ALOX15: variants seen among roughly 807,000 people sequenced by gnomAD.
ALOX15 encodes the protein polyunsaturated fatty acid lipoxygenase ALOX15.
A neutral mutation model predicts 71.7 loss-of-function variants in ALOX15; 68 were observed. The observed-to-expected ratio is 0.95, with a 90% CI of 0.78 to 1.16. ALOX15 has a LOEUF of 1.16. Ranked by LOEUF, ALOX15 falls within the 50% of genes most tolerant of loss-of-function variation. The pLI is 0.00. For synonymous variants in ALOX15, 346 were observed against 333.3 expected, an observed-to-expected ratio of 1.04 and a Z score of -0.42; for missense variants, 798 against 818.8, an observed-to-expected ratio of 0.97 and a Z score of 0.31.
At chr17:4,639,684 C>A (rs1419604569) in intron 1 of ALOX15, 53 bp from the exon 2 acceptor site, 1 of 1,533,776 alleles carries the variant, frequency 6.5e-7, no homozygotes, top group Non-Finnish European at 8.8e-7. Context: ...GGAGGGGCAC[C>A]CGGCTGAGCC....
At chr17:4,639,197 GA>G in intron 2 of ALOX15, 65 bp from the exon 3 acceptor site, 1 of 1,583,286 alleles carries the variant, frequency 6.3e-7, no homozygotes, top group Non-Finnish European at 8.7e-7. Flanking sequence ...TCTCTGCCAG[GA>G]GAGCCTCAGC....
At chr17:4,634,471 T>C (rs1911022052) in intron 8 of ALOX15, among the ~76,000 whole-genome samples, 1 of 150,852 alleles carries the variant, frequency 6.6e-6, no homozygotes, top group Non-Finnish European at 1.5e-5. Context: ...CCTGGCCTCC[T>C]TTTCTTTTCA....
At chr17:4,634,428 G>T (rs1030836226) in intron 8 of ALOX15, among the ~76,000 whole-genome samples, 1 of 151,484 alleles carries the variant, frequency 6.6e-6, no homozygotes, top group Non-Finnish European at 1.5e-5. Flanking sequence ...TCAGCCTCCC[G>T]AGTAGCTGGG....
chr17:4,633,610 A>T, intron 8 of ALOX15, 110 bp from the exon 9 acceptor site: 1 of 901,920 alleles, frequency 1.1e-6, no homozygotes, highest in Non-Finnish European at 1.8e-6. Context: ...AAAAGCACAG[A>T]CGTAAAGTTC....
chr17:4,635,040 C>A (rs1451890854), intron 8 of ALOX15, among the ~76,000 whole-genome samples: 1 of 152,016 alleles, frequency 6.6e-6, no homozygotes, highest in African/African-American at 2.4e-5. Flanking sequence ...TGTGCCCCCA[C>A]TGAGAATGGA....
rs751739204 is a variant in ALOX15 at position 4,637,275 on chromosome 17, G to A, written c.808-17C>T. Reference sequence around the variant, plus strand: ...TGTGCCTCCCTGGGTGGGGGAAGAGGTCAAGGGCTGCTATCAACATAAAGC... The same window carrying A: ...TGTGCCTCCCTGGGTGGGGGAAGAGATCAAGGGCTGCTATCAACATAAAGC... On this transcript the variant is annotated splice_polypyrimidine_tract_variant and intron_variant, in intron 6 of 13. Transcript: ENST00000293761. The A allele has an allele frequency of 1.9e-6, 3 of 1,599,212 alleles. No homozygotes were observed. The highest frequency in any genetic ancestry group is 1.7e-5 in the Admixed American group (1 of 58,716).
rs375797237 is a variant in ALOX15 at position 4,631,041 on chromosome 17, A to C, written c.*559T>G. The C allele has an allele frequency of 6.6e-6, 1 of 152,300 alleles. No individual in the cohort carries two copies. The highest frequency in any genetic ancestry group is 1.9e-4 in the East Asian group (1 of 5,192). 9.4% of individuals were successfully genotyped at this position (152,300 alleles called of 1,614,324 possible). A position where few individuals can be genotyped will look rare whatever the true frequency, so the allele number is the denominator to read the frequency against. On this transcript the variant is annotated 3_prime_UTR_variant, in exon 14 of 14. Coordinates refer to ENST00000293761, the MANE Select transcript of ALOX15 (RefSeq NM_001140.5). The stretch of plus-strand genomic sequence containing the variant: ...TCAAAATCCTATTTCCAGCCTAGGC[A>C]ACATAGTGAGGCCCCGTCTCCACGA...
intron 8 of ALOX15, 77 bp from the exon 9 acceptor site, chr17:4,633,577 A>C: frequency 7.9e-7 from 1 of 1,258,978 alleles, no homozygotes. Context: ...GGCTGACAGC[A>C]GGAAAGGCAC....
chr17:4,639,226 GGCCTCTGCCCCTTCAGCATCAC>G (rs2150538158), intron 2 of ALOX15, 94 bp from the exon 3 acceptor site: 1 of 1,502,802 alleles, frequency 6.7e-7, no homozygotes, highest in East Asian at 2.3e-5. Context: ...CCTTCTGTGT[GGCCTCTGCCCCTTCAGCATCAC>G]GCCCCTCCCC....
rs753102659 is a variant in ALOX15 at position 4,641,632 on chromosome 17, C to T, written c.20G>A (p.Arg7His). Residue 7 changes from arginine (R) to histidine (H), a missense_variant, in exon 1 of 14, where the codon CGC becomes CAC. Physicochemically the swap from Arg to His is conservative, Grantham distance 29 (BLOSUM62 0). Coordinates refer to ENST00000293761, the MANE Select transcript of ALOX15 (RefSeq NM_001140.5). The stretch of plus-strand genomic sequence containing the variant: ...ATAGAGCGAGGCCCCAGTGGACACG[C>T]GGATGCGGTAGAGACCCATCTTGCT... Reference protein sequence around the residue: MGLYRIRVSTGASLYAG... With the variant: MGLYRIHVSTGASLYAG... 4 of 1,613,610 alleles carry T rather than the reference C, an allele frequency of 2.5e-6. No individual in the cohort carries two copies. Among genetic ancestry groups the T allele is most frequent in the Non-Finnish European group, 2.5e-6 (3 of 1,180,020 alleles).
At chr17:4,641,481 G>A in intron 1 of ALOX15, 36 bp downstream of exon 1, 1 of 1,600,604 alleles carries the variant, frequency 6.2e-7, no homozygotes, top group Non-Finnish European at 8.5e-7. Context: ...CGGAGCCAGG[G>A]GCGCAGCCCA....
In ALOX15 at chr17:4,635,945, G is replaced by A; in HGVS notation, c.975C>T (p.Ser325=). 1 of 1,613,976 alleles carries A rather than the reference G, an allele frequency of 6.2e-7. No individual in the cohort carries two copies. Among genetic ancestry groups the A allele is most frequent in the Non-Finnish European group, 8.5e-7 (1 of 1,180,040 alleles). Residue 325 remains serine (S), a synonymous_variant, in exon 8 of 14, where the codon TCC becomes TCT. Transcript: ENST00000293761. ...TAGGCAAGAAAAGGGGAGGTGGTGG[G>A]GATCCTGTGCGGGGCAGCTGGAGCT... The part of the protein sequence containing the change: ...VIQLQLPRTG[S]PPPPLFLPTD...
At position 4,639,501 on chromosome 17, in the gene ALOX15, C is replaced by T. The variant is rs534604683; in HGVS notation, c.266G>A (p.Gly89Glu). ...NWISVQGPGA[G>E]DEVRFPCYRW... The stretch of plus-strand genomic sequence containing the variant: ...GTAACAAGGGAACCTGACCTCGTCC[C>T]CGGCTCCGGGGCCCTGCACAGAGAT... The change falls in exon 2 of 14, where the codon GGG becomes GAG. Residue 89 changes from glycine (G) to glutamate (E), a missense_variant. This residue lies in a region of ALOX15 where 300 missense variants were observed against 283.1 expected (regional missense o/e 1.06). Transcript: ENST00000293761. 1 of 1,613,872 alleles carries T rather than the reference C, an allele frequency of 6.2e-7. No homozygotes were observed. Among genetic ancestry groups the T allele is most frequent in the African/African-American group, 1.3e-5 (1 of 74,940 alleles).
intron 8 of ALOX15, 143 bp downstream of exon 8, chr17:4,635,616 G>T: frequency 1.2e-6 from 1 of 801,916 alleles, no homozygotes; most frequent in Non-Finnish European, 2.0e-6. Context: ...GGCCAGCCCT[G>T]CTCATTCTCT....
In ALOX15 at chr17:4,631,458, G is replaced by A. The variant is rs544767313; in HGVS notation, c.*142C>T. ...CTAGAGTAAAATGTGTTCACTGGGTGCAGAGACCATGAAAAGGTGCCCCTC... is the reference window on the plus strand; with the variant it reads ...CTAGAGTAAAATGTGTTCACTGGGTACAGAGACCATGAAAAGGTGCCCCTC... On this transcript the variant is annotated 3_prime_UTR_variant, in exon 14 of 14. Coordinates refer to ENST00000293761, the MANE Select transcript of ALOX15 (RefSeq NM_001140.5). 2.1e-6 allele frequency: 2 copies of A among 970,494 alleles called. No individual in the cohort carries two copies. Among genetic ancestry groups the A allele is most frequent in the East Asian group, 5.2e-5 (2 of 38,200 alleles). The allele number at this position is 970,494 out of a possible 1,614,324, so 60.1% of individuals were successfully genotyped here.
rs913239451 is a variant in ALOX15, at chr17:4,630,960, T to C, written c.*640A>G. The C allele has an allele frequency of 1.3e-5, 2 of 152,294 alleles. No individual in the cohort carries two copies. Among genetic ancestry groups the C allele is most frequent in the African/African-American group, 4.8e-5 (2 of 41,472 alleles). 9.4% of individuals were successfully genotyped at this position (152,294 alleles called of 1,614,324 possible). Reference sequence around the variant, plus strand: ...TTATTTAAAATAGTTCAGTCCTAGTTCTTTTCCATCTTTAGCGTAAAACAA... The same window carrying C: ...TTATTTAAAATAGTTCAGTCCTAGTCCTTTTCCATCTTTAGCGTAAAACAA... On this transcript the variant is annotated 3_prime_UTR_variant, in exon 14 of 14. Transcript: ENST00000293761.
At position 4,637,236 on chromosome 17, in the gene ALOX15, T is replaced by A. The variant is rs1273689553; in HGVS notation, c.830A>T (p.Asp277Val). 6.2e-7 allele frequency: 1 copy of A among 1,613,524 alleles called. No homozygotes were observed. The highest frequency in any genetic ancestry group is 1.7e-5 in the Admixed American group (1 of 59,964). Residue 277 changes from aspartate to valine, a missense_variant, in exon 7 of 14, where the codon GAC becomes GTC. Asp to Val is a radical substitution (Grantham distance 152). Coordinates refer to ENST00000293761, the MANE Select transcript of ALOX15 (RefSeq NM_001140.5). Reference protein sequence around the residue: ...ELEGGTLFEADFSLLDGIKAN... With the variant: ...ELEGGTLFEAVFSLLDGIKAN... ...CTTGATCCCATCCAGCAGGGAGAAG[T>A]CAGCTTCGAACAGTGTGCCTCCCTG...
intron 6 of ALOX15, 80 bp downstream of exon 6, chr17:4,638,137 A>G (rs891030577): frequency 1.6e-5 from 9 of 576,318 alleles, no homozygotes; most frequent in Non-Finnish European, 2.5e-5. Flanking sequence ...CCAGGCCCAC[A>G]GTGGGTCCCG....
intron 8 of ALOX15, 75 bp downstream of exon 8, chr17:4,635,683 AG>A: frequency 4.3e-6 from 6 of 1,410,460 alleles, no homozygotes; most frequent in African/African-American, 1.4e-5. Flanking sequence ...CCCCACAGAG[AG>A]GGAGCCTCCA....
Sources: gnomAD v4.1 joint callset for allele counts (sites outside exome capture counted in the v4.1 genomes callset) on GRCh38, gnomAD v4.1.1 for gene constraint, gnomAD v4.1.1 regional missense constraint, MANE v1.5 for transcripts, NCBI Gene and HGNC (gene_info 2026-07-23, HGNC 2026-07-21) for gene names.